ITPRID2: variants seen among roughly 807,000 people sequenced by gnomAD.
ITPRID2 encodes protein ITPRID2.
In ITPRID2, 60 loss-of-function variants were observed where a neutral mutation model predicts 124.3. The ratio of observed to expected loss-of-function variants is 0.48; its 90% CI spans 0.39 to 0.60. The LOEUF is 0.60. Ranked by LOEUF, ITPRID2 falls within the 20% of genes least tolerant of loss-of-function variation. ITPRID2 has a pLI of 0.00. For synonymous variants in ITPRID2, 521 were observed against 542.9 expected (o/e 0.96, Z 0.56); for missense variants, 1,553 against 1,512.2 (o/e 1.03, Z -0.45).
At position 181,902,339 on chromosome 2, in the gene ITPRID2, T is replaced by A; in HGVS notation, c.1286T>A (p.Leu429Gln). 1.2e-6 allele frequency: 2 copies of A among 1,613,964 alleles called. No individual in the cohort carries two copies. The highest frequency in any genetic ancestry group is 1.7e-6 in the Non-Finnish European group (2 of 1,179,900). Reference protein sequence around the residue: ...SDFNISSHSELENSSELKSVH... With the variant: ...SDFNISSHSEQENSSELKSVH... ...TTCAACATATCCAGCCACAGTGAGC[T>A]GGAAAATAGCAGTGAGCTGAAAAGT... The change falls in exon 8 of 18, where the codon CTG becomes CAG. Residue 429 changes from leucine to glutamine, a missense_variant. By Grantham distance (113) the Leu-to-Gln change is moderately radical (BLOSUM62 -2). Coordinates refer to ENST00000431877, the MANE Select transcript of ITPRID2 (RefSeq NM_001130445.3). The surrounding 1 kb of genome is among the most constrained non-coding windows in gnomAD (Gnocchi z 4.4).
chr2:181,926,286 T>C (rs543149980), intron 16 of ITPRID2, among the ~76,000 whole-genome samples: 12 of 152,224 alleles, frequency 7.9e-5, no homozygotes, highest in East Asian at 5.8e-4. Context: ...ATAAGAAATA[T>C]ATTTTATGAA....
In ITPRID2 at chr2:181,910,706, G is replaced by T; in HGVS notation, c.1486+735G>T. 1.6e-6 allele frequency: 1 copy of T among 644,268 alleles called. No homozygotes were observed. 39.9% of individuals were successfully genotyped at this position (644,268 alleles called of 1,614,324 possible). A position where few individuals can be genotyped will look rare whatever the true frequency, so the allele number is the denominator to read the frequency against. On this transcript the variant is annotated intron_variant, in intron 9 of 17. Transcript: ENST00000431877. The surrounding 1 kb of genome is among the most constrained non-coding windows in gnomAD (Gnocchi z 4.1). ...TTTTTAAACAAAGATTCGTATGTAT[G>T]TTCCTAGAATAGGAAATTACATGTT...
In ITPRID2 at chr2:181,901,768, C is replaced by T. The variant is rs545343974; in HGVS notation, c.715C>T (p.Arg239Cys). 2.5e-6 allele frequency: 4 copies of T among 1,574,892 alleles called. No individual in the cohort carries two copies. The highest frequency in any genetic ancestry group is 2.3e-5 in the East Asian group (1 of 44,346). ...VENPNYALTSRFRQIEVLTTV... is the reference protein window; with the variant it reads ...VENPNYALTSCFRQIEVLTTV... The stretch of plus-strand genomic sequence containing the variant: ...ATTAATATTGTTTCTTTTGGTAGGC[C>T]GTTTTCGTCAAATTGAAGTGCTTAC... Residue 239 changes from arginine (R) to cysteine (C), a missense_variant and splice_region_variant, in exon 8 of 18, where the codon CGT becomes TGT. Arg to Cys is a radical substitution (Grantham distance 180). Coordinates refer to ENST00000431877, the MANE Select transcript of ITPRID2 (RefSeq NM_001130445.3).
In ITPRID2 at chr2:181,892,690, G is replaced by A. The variant is rs1691844651; in HGVS notation, c.257+30G>A. The A allele has an allele frequency of 6.2e-7, 1 of 1,613,028 alleles. No homozygotes were observed. Among genetic ancestry groups the A allele is most frequent in the Non-Finnish European group, 8.5e-7 (1 of 1,179,384 alleles). Reference sequence around the variant, plus strand: ...GTGCTCCCTGGTCCGCCCGCGTCCCGGGGGAGATCCGTGCGGACGGGACGC... The same window carrying A: ...GTGCTCCCTGGTCCGCCCGCGTCCCAGGGGAGATCCGTGCGGACGGGACGC... On this transcript the variant is annotated intron_variant, in intron 2 of 17. Coordinates refer to ENST00000431877, the MANE Select transcript of ITPRID2 (RefSeq NM_001130445.3). The surrounding 1 kb of genome is among the most constrained non-coding windows in gnomAD (Gnocchi z 5.2).
intron 16 of ITPRID2, among the ~76,000 whole-genome samples, chr2:181,927,357 A>G (rs983485853): frequency 2.0e-5 from 3 of 152,216 alleles, no homozygotes; most frequent in Admixed American, 2.0e-4. Flanking sequence ...ACAAAGGGCT[A>G]TTTAAAAGTG....
chr2:181,913,261 C>G (rs111949801), intron 9 of ITPRID2, among the ~76,000 whole-genome samples: 6,754 of 151,896 alleles, frequency 0.044, 207 homozygotes, highest in South Asian at 0.1. Flanking sequence ...TACAGACGGG[C>G]TTTTACCGTG....
intron 10 of ITPRID2, among the ~76,000 whole-genome samples, 157 bp from the exon 11 acceptor site, chr2:181,915,059 G>A (rs967316006): frequency 9.9e-5 from 15 of 152,170 alleles, no homozygotes; most frequent in Non-Finnish European, 1.2e-4. Context: ...GAGGGATGTG[G>A]TTGCTGCTCA....
Position 181,928,166 on chromosome 2 carries a change from A to G in ITPRID2, c.3681A>G (p.Lys1227=). 6.5e-7 allele frequency: 1 copy of G among 1,540,046 alleles called. No individual in the cohort carries two copies. Among genetic ancestry groups the G allele is most frequent in the Non-Finnish European group, 8.8e-7 (1 of 1,141,344 alleles). Residue 1227 remains lysine (K), a synonymous_variant, in exon 17 of 18, where the codon AAA becomes AAG. Transcript: ENST00000431877. The part of the protein sequence containing the change: ...DELQQVIREI[K]ESIVGEIRRE... ...TTATTGTTTTTCCAATCTAGATTAA[A>G]GAGTCTATTGTTGGGGAAATCAGAC...
In ITPRID2 at chr2:181,896,405, C is replaced by T. The variant is rs192793005; in HGVS notation, c.307+326C>T. On this transcript the variant is annotated intron_variant, in intron 3 of 17. Coordinates refer to ENST00000431877, the MANE Select transcript of ITPRID2 (RefSeq NM_001130445.3). The surrounding 1 kb of genome is among the most constrained non-coding windows in gnomAD (Gnocchi z 4.3). ...AACAAAAGTTTAGTCAACTTTCGTG[C>T]AGCATTTCTTTGCTTACATTTACTG... Among the ~76,000 whole-genome samples, 4 of 152,062 alleles carry T rather than the reference C, an allele frequency of 2.6e-5. No homozygotes were observed. In the East Asian group the frequency reaches 5.8e-4, roughly 22 times the overall value.
chr2:181,920,552 A>C, intron 14 of ITPRID2, 45 bp from the exon 15 acceptor site: 1 of 1,355,524 alleles, frequency 7.4e-7, no homozygotes, highest in Non-Finnish European at 1.0e-6. Flanking sequence ...ATGTATGTAT[A>C]TATACACACA....
rs1475152839 is a variant in ITPRID2 at position 181,899,094 on chromosome 2, G to C, written c.485G>C (p.Ser162Thr). Reference protein sequence around the residue: ...RSMNSTGSGKSSGTVSSVSEL... With the variant: ...RSMNSTGSGKTSGTVSSVSEL... ...ATGAATTCCACTGGATCTGGGAAAA[G>C]TAGTGGGACAGTTTCAAGGTAACTT... Residue 162 changes from serine (S) to threonine (T), a missense_variant, in exon 6 of 18, where the codon AGT becomes ACT. Transcript: ENST00000431877. 6.2e-7 allele frequency: 1 copy of C among 1,607,854 alleles called. No homozygotes were observed. The highest frequency in any genetic ancestry group is 2.2e-5 in the East Asian group (1 of 44,796).
intron 17 of ITPRID2, among the ~76,000 whole-genome samples, 153 bp downstream of exon 17, chr2:181,928,431 C>T (rs565229646): frequency 6.6e-6 from 1 of 152,208 alleles, no homozygotes; most frequent in South Asian, 2.1e-4. Flanking sequence ...AAATTTCACA[C>T]AAGCCTATTT....
chr2:181,915,210 T>A lies in ITPRID2; in HGVS notation c.1576-6T>A, dbSNP rs770345594. 3 of 1,606,524 alleles carry A rather than the reference T, an allele frequency of 1.9e-6. No homozygotes were observed. Among genetic ancestry groups the A allele is most frequent in the Non-Finnish European group, 2.5e-6 (3 of 1,176,482 alleles). ...CTTCATCTTTCCACCTATTTTCTTT[T>A]CACAGGTTCAGGAGTCCTTGCAGGC... On this transcript the variant is annotated splice_region_variant and splice_polypyrimidine_tract_variant and intron_variant, in intron 10 of 17. Coordinates refer to ENST00000431877, the MANE Select transcript of ITPRID2 (RefSeq NM_001130445.3).
chr2:181,926,540 C>T (rs1261425554), intron 16 of ITPRID2, among the ~76,000 whole-genome samples: 7 of 151,868 alleles, frequency 4.6e-5, no homozygotes, highest in African/African-American at 1.5e-4. Context: ...GGTGAAACCC[C>T]GTCTCTACTA....
At chr2:181,898,746 G>A in intron 4 of ITPRID2, 134 bp from the exon 5 acceptor site, 1 of 730,798 alleles carries the variant, frequency 1.4e-6, no homozygotes, top group Non-Finnish European at 2.4e-6. Context: ...CAGATTTAAT[G>A]GACCAAGATA....
rs188227913 is a variant in ITPRID2 at position 181,928,173 on chromosome 2, A to T, written c.3688A>T (p.Ile1230Phe). Residue 1230 changes from isoleucine (I) to phenylalanine (F), a missense_variant, in exon 17 of 18, where the codon ATT becomes TTT. Ile to Phe is a conservative substitution (Grantham distance 21, BLOSUM62 0). Transcript: ENST00000431877. ...TTTTCCAATCTAGATTAAAGAGTCT[A>T]TTGTTGGGGAAATCAGACGGGAAAT... Reference protein sequence around the residue: ...QQVIREIKESIVGEIRREIVS... With the variant: ...QQVIREIKESFVGEIRREIVS... 1.3e-6 allele frequency: 2 copies of T among 1,548,254 alleles called. No individual in the cohort carries two copies. The highest frequency in any genetic ancestry group is 1.7e-6 in the Non-Finnish European group (2 of 1,144,520).
chr2:181,926,447 C>G (rs899813915), intron 16 of ITPRID2, among the ~76,000 whole-genome samples: 2 of 152,094 alleles, frequency 1.3e-5, no homozygotes, highest in Non-Finnish European at 2.9e-5. Flanking sequence ...GGCGCGGTGG[C>G]TCACGCCTGT....
At chr2:181,909,142 C>G (rs919552266) in intron 8 of ITPRID2, among the ~76,000 whole-genome samples, 3 of 152,124 alleles carry the variant, frequency 2.0e-5, no homozygotes, top group African/African-American at 7.2e-5. Context: ...TTGATATGTT[C>G]TTTGAACAGT....
In ITPRID2 at chr2:181,929,863, CTT is replaced by C; in HGVS notation, c.*317_*318del. The C allele has an allele frequency of 2.9e-6, 1 of 349,670 alleles. No individual in the cohort carries two copies. Among genetic ancestry groups the C allele is most frequent in the Non-Finnish European group, 5.1e-6 (1 of 194,924 alleles). 21.7% of individuals were successfully genotyped at this position (349,670 alleles called of 1,614,324 possible). On this transcript the variant is annotated 3_prime_UTR_variant, in exon 18 of 18. Transcript: ENST00000431877. ...ATTTTAAAACTTGAAGACTTCCAGACTTATCCAACTTATAAATAACATATTTC... is the reference window on the plus strand; with the variant it reads ...ATTTTAAAACTTGAAGACTTCCAGACATCCAACTTATAAATAACATATTTC...
Sources: allele counts gnomAD v4.1 joint callset (sites outside exome capture counted in the v4.1 genomes callset), GRCh38; gene constraint gnomAD v4.1.1; non-coding constraint Gnocchi (gnomAD v3.1); transcripts MANE v1.5; gene names NCBI Gene and HGNC (gene_info 2026-07-23, HGNC 2026-07-21).